The following EXT1 variants were observed in gnomAD, a reference collection of about 807,000 sequenced individuals.
EXT1 encodes the protein exostosin-1.
In EXT1, 20 loss-of-function variants were observed where a neutral mutation model predicts 82.5. The observed-to-expected ratio is 0.24, with a 90% confidence interval of 0.17 to 0.35. The LOEUF is 0.35. EXT1 is among the 10% of genes least tolerant of loss of function. The pLI is 1.00. For missense variants in EXT1, 757 were observed against 936.5 expected, an observed-to-expected ratio of 0.81 and a Z score of 2.50; for synonymous variants, 348 against 350.8, an observed-to-expected ratio of 0.99 and a Z score of 0.09.
At chr8:118,049,347 A>G (rs1301854269) in intron 1 of EXT1, among the ~76,000 whole-genome samples, 2 of 152,196 alleles carry the variant, frequency 1.3e-5, no homozygotes, top group African/African-American at 4.8e-5. Context: ...GTAACCTATA[A>G]GTGGGTTTGT....
Position 117,812,974 on chromosome 8 carries a change from A to G in EXT1, c.1633-13T>C. 6.2e-7 allele frequency: 1 copy of G among 1,609,890 alleles called. No individual in the cohort carries two copies. Among genetic ancestry groups the G allele is most frequent in the South Asian group, 1.1e-5 (1 of 90,624 alleles). On this transcript the variant is annotated splice_polypyrimidine_tract_variant and intron_variant, in intron 7 of 10. Coordinates refer to ENST00000378204, the MANE Select transcript of EXT1 (RefSeq NM_000127.3). ...GGCTGCTCATAACCTGGGAGGAAGT[A>G]GAAGTAGGCAGTGGGGAGGGAATGA...
intron 1 of EXT1, among the ~76,000 whole-genome samples, chr8:118,070,236 GT>G (rs1817066092): frequency 8.4e-6 from 1 of 118,484 alleles, no homozygotes; most frequent in Non-Finnish European, 1.6e-5. Flanking sequence ...CTGTGTGTGT[GT>G]GTGTGTGTGT....
intron 1 of EXT1, among the ~76,000 whole-genome samples, chr8:117,925,121 A>G: frequency 6.6e-6 from 1 of 152,330 alleles, no homozygotes. Flanking sequence ...CGCAGATTCT[A>G]AAGTGGGTAT....
chr8:117,907,260 T>C (rs1813560739), intron 1 of EXT1, among the ~76,000 whole-genome samples: 1 of 152,106 alleles, frequency 6.6e-6, no homozygotes, highest in African/African-American at 2.4e-5. Context: ...CATCTAAGAG[T>C]TTAGCAATTT....
At chr8:117,813,000 G>T in intron 7 of EXT1, 39 bp from the exon 8 acceptor site, 2 of 1,543,486 alleles carry the variant, frequency 1.3e-6, no homozygotes, top group South Asian at 1.1e-5. Context: ...GAGGGAATGA[G>T]GGAAAGAGGT....
At chr8:118,037,891 A>T (rs1275506793) in intron 1 of EXT1, among the ~76,000 whole-genome samples, 3 of 134,208 alleles carry the variant, frequency 2.2e-5, no homozygotes, top group African/African-American at 3.0e-5. Context: ...CCCAGACTGC[A>T]GTGCAATGGC....
intron 1 of EXT1, among the ~76,000 whole-genome samples, chr8:118,026,112 T>G (rs947615083): frequency 2.0e-5 from 3 of 152,154 alleles, no homozygotes; most frequent in African/African-American, 7.2e-5. Flanking sequence ...AACACACAGA[T>G]GTTTCCACCT....
intron 1 of EXT1, among the ~76,000 whole-genome samples, chr8:118,036,693 G>A (rs1816424631): frequency 6.6e-6 from 1 of 152,178 alleles, no homozygotes; most frequent in Non-Finnish European, 1.5e-5. Context: ...TAAGGTCACA[G>A]CACTGGGTCC....
At chr8:117,973,686 T>C (rs1170743306) in intron 1 of EXT1, among the ~76,000 whole-genome samples, 1 of 151,692 alleles carries the variant, frequency 6.6e-6, no homozygotes, top group African/African-American at 2.4e-5. Flanking sequence ...GAAGATTGCT[T>C]GAGCCCAGTA....
intron 1 of EXT1, among the ~76,000 whole-genome samples, chr8:118,051,828 A>C (rs1316857939): frequency 1.3e-5 from 2 of 152,162 alleles, no homozygotes; most frequent in Non-Finnish European, 2.9e-5. Flanking sequence ...TTCTGGCTTT[A>C]TTTCCCCACC....
chr8:118,044,626 C>T (rs1816591341), intron 1 of EXT1, among the ~76,000 whole-genome samples: 1 of 152,070 alleles, frequency 6.6e-6, no homozygotes, highest in East Asian at 1.9e-4. Context: ...AGGCTGGTCT[C>T]GAACTCCCAA....
intron 1 of EXT1, among the ~76,000 whole-genome samples, chr8:118,018,337 G>T (rs1816037499): frequency 6.6e-6 from 1 of 152,008 alleles, no homozygotes; most frequent in Non-Finnish European, 1.5e-5. Flanking sequence ...CATACACACG[G>T]GAAAAAACAG....
intron 1 of EXT1, among the ~76,000 whole-genome samples, chr8:118,044,973 GAA>G (rs978550822): frequency 5.3e-5 from 8 of 152,212 alleles, no homozygotes; most frequent in African/African-American, 9.6e-5. Context: ...GCGCTTCACA[GAA>G]AAAGTTTGCC....
chr8:117,816,761 C>T (rs545239502), intron 7 of EXT1, among the ~76,000 whole-genome samples: 21 of 152,266 alleles, frequency 1.4e-4, no homozygotes, highest in Admixed American at 4.6e-4. Context: ...AAATGCTATA[C>T]TACCTAAAGA....
At chr8:117,880,594 C>CTTTTTTTTTT (rs58814828) in intron 1 of EXT1, among the ~76,000 whole-genome samples, 2 of 142,552 alleles carry the variant, frequency 1.4e-5, no homozygotes. Flanking sequence ...CCTCTTTTTT[C>CTTTTTTTTTT]TTTTTTTTTT....
chr8:117,907,846 G>C (rs4345585), intron 1 of EXT1, among the ~76,000 whole-genome samples: 17,200 of 152,166 alleles, frequency 0.11, 1,243 homozygotes, highest in Middle Eastern at 0.19. Flanking sequence ...CTAGTAATCA[G>C]CCTGTGAGCA....
intron 1 of EXT1, among the ~76,000 whole-genome samples, chr8:118,100,748 A>G (rs1277518348): frequency 6.6e-6 from 1 of 151,342 alleles, no homozygotes; most frequent in Non-Finnish European, 1.5e-5. Context: ...CCATCTCAAA[A>G]AGAAAAAAAA....
At chr8:117,813,042 C>T in intron 7 of EXT1, 81 bp from the exon 8 acceptor site, 2 of 1,070,634 alleles carry the variant, frequency 1.9e-6, no homozygotes, top group Non-Finnish European at 2.8e-6. Flanking sequence ...GGACAATTCT[C>T]CCATCCTCAC....
chr8:117,826,072 T>C (rs978039533), intron 4 of EXT1, among the ~76,000 whole-genome samples: 3 of 152,206 alleles, frequency 2.0e-5, no homozygotes, highest in Non-Finnish European at 4.4e-5. Context: ...TCATTGTTAG[T>C]TCTCAATTTT....
Sources: gnomAD v4.1 joint callset for allele counts (sites outside exome capture counted in the v4.1 genomes callset) on GRCh38, gnomAD v4.1.1 for gene constraint, MANE v1.5 for transcripts, NCBI Gene and HGNC (gene_info 2026-07-23, HGNC 2026-07-21) for gene names.